GPC3: variants seen among roughly 807,000 people sequenced by gnomAD.
GPC3 encodes glypican 3, also known as glypican-3.
In GPC3, 3 loss-of-function variants were observed where a neutral mutation model predicts 34.4. The observed-to-expected ratio is 0.09, with a 90% CI of 0.04 to 0.23. GPC3 has a LOEUF of 0.23. Ranked by LOEUF, GPC3 falls within the 10% of genes least tolerant of loss-of-function variation. GPC3 has a pLI of 1.00. For missense variants in GPC3, 351 were observed against 445.6 expected, an observed-to-expected ratio of 0.79 and a Z score of 1.91; for synonymous variants, 177 against 174.0, an observed-to-expected ratio of 1.02 and a Z score of -0.13.
intron 7 of GPC3, among the ~76,000 whole-genome samples, chrX:133,581,999 C>T (rs1457070383): frequency 8.9e-6 from 1 of 111,799 alleles, no homozygotes; most frequent in Non-Finnish European, 1.9e-5. Flanking sequence ...ATCAACAAAA[C>T]AATAAATCAA....
chrX:133,903,162 A>T (rs2076152575), intron 2 of GPC3, among the ~76,000 whole-genome samples: 1 of 110,941 alleles, frequency 9.0e-6, no homozygotes. Context: ...AAAAAAAAAA[A>T]AATCACCCAT....
In GPC3 at chrX:133,841,215, A is replaced by ATTTTTTTTTTTTTTTTTTTTTTTT. The variant is rs769696321; in HGVS notation, c.338-87040_338-87039insAAAAAAAAAAAAAAAAAAAAAAAA. On this transcript the variant is annotated intron_variant, in intron 2 of 7. Coordinates refer to ENST00000370818, the MANE Select transcript of GPC3 (RefSeq NM_004484.4). ...ACCACCATGCCTGGCTAATCTTTTAATTTTTTTTTTTTTTTTTTTTTTTGG... is the reference window on the plus strand; with the variant it reads ...ACCACCATGCCTGGCTAATCTTTTAATTTTTTTTTTTTTTTTTTTTTTTTTTTTTTTTTTTTTTTTTTTTTTTGG... Among the ~76,000 whole-genome samples the ATTTTTTTTTTTTTTTTTTTTTTTT allele has an allele frequency of 2.6e-3, 103 of 39,238 alleles. 30 individuals carry two copies. The highest frequency in any genetic ancestry group is 4.4e-3 in the Non-Finnish European group (82 of 18,653). The allele number at this position is 39,238 out of a possible 115,157, so 34.1% of individuals were successfully genotyped here. A position where few individuals can be genotyped will look rare whatever the true frequency, so the allele number is the denominator to read the frequency against.
At chrX:133,741,740 G>A (rs1196591157) in intron 3 of GPC3, among the ~76,000 whole-genome samples, 1 of 112,883 alleles carries the variant, frequency 8.9e-6, no homozygotes, top group Admixed American at 9.3e-5. Context: ...CATGTAAAGA[G>A]CTTAGAATTG....
chrX:133,610,087 A>G, intron 6 of GPC3, among the ~76,000 whole-genome samples: 1 of 112,006 alleles, frequency 8.9e-6, no homozygotes, highest in East Asian at 2.8e-4. Flanking sequence ...ATTTAACCAC[A>G]AGGTCTGGGA....
At chrX:133,937,569 TA>T (rs1334508300) in intron 2 of GPC3, among the ~76,000 whole-genome samples, 139 of 103,452 alleles carry the variant, frequency 1.3e-3, no homozygotes, top group African/African-American at 3.9e-3. Flanking sequence ...TTTATTTTTG[TA>T]AAAAAAAAAA....
chrX:133,688,842 G>C (rs1421107946), intron 5 of GPC3, among the ~76,000 whole-genome samples: 3 of 111,444 alleles, frequency 2.7e-5, no homozygotes, highest in Non-Finnish European at 5.7e-5. Flanking sequence ...GATGAGACAC[G>C]AGTGCAAAGC....
At chrX:133,639,072 C>T (rs2070457539) in intron 6 of GPC3, among the ~76,000 whole-genome samples, 2 of 111,457 alleles carry the variant, frequency 1.8e-5, no homozygotes, top group Non-Finnish European at 3.8e-5. Context: ...GAATTCACCG[C>T]ACACATCTCG....
At chrX:133,729,456 A>AAAT (rs1204388978) in intron 3 of GPC3, among the ~76,000 whole-genome samples, 1 of 111,545 alleles carries the variant, frequency 9.0e-6, no homozygotes, top group African/African-American at 3.3e-5. Flanking sequence ...AGGCTGGGTT[A>AAAT]AATAATACTC....
chrX:133,933,723 G>C (rs1195776421), intron 2 of GPC3, among the ~76,000 whole-genome samples: 1 of 109,717 alleles, frequency 9.1e-6, no homozygotes, highest in African/African-American at 3.3e-5. Flanking sequence ...TCCTGCTTTC[G>C]GCACGTGATG....
At chrX:133,545,616 G>C (rs1307912587) in intron 7 of GPC3, among the ~76,000 whole-genome samples, 1 of 111,669 alleles carries the variant, frequency 9.0e-6, no homozygotes, top group Non-Finnish European at 1.9e-5. Context: ...CACCCTGACT[G>C]TGCCTGGGGT....
chrX:133,724,179 G>C (rs1256913225), intron 3 of GPC3, among the ~76,000 whole-genome samples: 1 of 111,856 alleles, frequency 8.9e-6, no homozygotes, highest in African/African-American at 3.3e-5. Flanking sequence ...GGACAAAACA[G>C]GGCCCTGAAA....
chrX:133,554,683 C>T (rs1465870288), intron 7 of GPC3, among the ~76,000 whole-genome samples: 1 of 110,700 alleles, frequency 9.0e-6, no homozygotes, highest in Non-Finnish European at 1.9e-5. Flanking sequence ...CACCCTGCTG[C>T]TCTGGCTCAT....
intron 2 of GPC3, among the ~76,000 whole-genome samples, chrX:133,758,934 G>A (rs937843102): frequency 9.0e-6 from 1 of 110,987 alleles, no homozygotes; most frequent in Non-Finnish European, 1.9e-5. Flanking sequence ...TTTACAGCTA[G>A]CATCATGCTT....
intron 1 of GPC3, 127 bp downstream of exon 1, chrX:133,985,148 A>ACT: frequency 5.7e-6 from 4 of 705,949 alleles, no homozygotes. Context: ...CACACCGACC[A>ACT]CTCCCAAGTG....
At chrX:133,721,631 G>GT (rs1219283763) in intron 3 of GPC3, among the ~76,000 whole-genome samples, 1 of 110,968 alleles carries the variant, frequency 9.0e-6, no homozygotes, top group Non-Finnish European at 1.9e-5. Flanking sequence ...TCTGAGGCCA[G>GT]TATTACCCTG....
rs1282213093 is a variant in GPC3, at chrX:133,850,189, G to GTTTTTTTTTTT, written c.338-96014_338-96013insAAAAAAAAAAA. On this transcript the variant is annotated intron_variant, in intron 2 of 7. Coordinates refer to ENST00000370818, the MANE Select transcript of GPC3 (RefSeq NM_004484.4). ...GGTATTTTTTTTGTTTGTTTTTTGG[G>GTTTTTTTTTTT]TTTTGTTTTTTTTTTTTTTTTTTTG... Among the ~76,000 whole-genome samples, 6 of 72,676 alleles carry GTTTTTTTTTTT rather than the reference G, an allele frequency of 8.3e-5. 1 individual carries two copies. The highest frequency in any genetic ancestry group is 3.0e-4 in the African/African-American group (4 of 13,134). The allele number at this position is 72,676 out of a possible 115,157, so 63.1% of individuals were successfully genotyped here. A position where few individuals can be genotyped will look rare whatever the true frequency, so the allele number is the denominator to read the frequency against.
At chrX:133,743,486 GCATAAGAGGT>G (rs1428604050) in intron 3 of GPC3, among the ~76,000 whole-genome samples, 1 of 112,530 alleles carries the variant, frequency 8.9e-6, no homozygotes, top group East Asian at 2.8e-4. Context: ...AAATGCATGG[GCATAAGAGGT>G]CAGTGAGCCA....
At chrX:133,768,463 C>T (rs1287760464) in intron 2 of GPC3, among the ~76,000 whole-genome samples, 2 of 111,145 alleles carry the variant, frequency 1.8e-5, no homozygotes, top group African/African-American at 6.6e-5. Context: ...CTCCTTCATA[C>T]CCCACTGTAC....
At chrX:133,621,476 C>A (rs1301213451) in intron 6 of GPC3, among the ~76,000 whole-genome samples, 1 of 112,182 alleles carries the variant, frequency 8.9e-6, no homozygotes, top group Non-Finnish European at 1.9e-5. Context: ...TTCCAATGGT[C>A]TTAGCAAATG....
Sources: allele counts gnomAD v4.1 joint callset (sites outside exome capture counted in the v4.1 genomes callset), GRCh38; gene constraint gnomAD v4.1.1; transcripts MANE v1.5; gene names NCBI Gene and HGNC (gene_info 2026-07-23, HGNC 2026-07-21).